The following GOSR2 variants were observed in gnomAD, a reference collection of about 807,000 sequenced individuals.
GOSR2 encodes the protein 27 kDa Golgi SNARE protein.
In GOSR2, 20 loss-of-function variants were observed where a neutral mutation model predicts 27.9. That is an observed-to-expected ratio of 0.72 (90% confidence interval 0.50 to 1.04). The LOEUF (loss-of-function observed/expected upper bound fraction) is 1.04, where lower values mean the gene tolerates loss of function less well. GOSR2 is among the 50% of genes least tolerant of loss of function. The pLI is 0.00. For synonymous variants in GOSR2, 91 were observed against 98.8 expected, an observed-to-expected ratio of 0.92 and a Z score of 0.47; for missense variants, 261 against 270.5, an observed-to-expected ratio of 0.97 and a Z score of 0.25.
At chr17:46,931,960 T>C in intron 3 of GOSR2, 107 bp from the exon 4 acceptor site, 1 of 919,924 alleles carries the variant, frequency 1.1e-6, no homozygotes, top group South Asian at 1.3e-5. Context: ...TGGGGTGGTG[T>C]AGGGAGAAGT....
chr17:46,959,161 AG>A (rs1425385387), intron 6 of GOSR2, among the ~76,000 whole-genome samples: 1 of 152,192 alleles, frequency 6.6e-6, no homozygotes, highest in Non-Finnish European at 1.5e-5. Flanking sequence ...GGGAAGTAGG[AG>A]GTTGGGCGTA....
At chr17:46,972,719 T>G (rs1410338277) in intron 6 of GOSR2, among the ~76,000 whole-genome samples, 2 of 152,284 alleles carry the variant, frequency 1.3e-5, no homozygotes, top group East Asian at 3.9e-4. Context: ...TGTACCCCAC[T>G]GGCTGACGCT....
At chr17:46,956,247 G>A (rs554301281) in intron 6 of GOSR2, among the ~76,000 whole-genome samples, 207 of 145,578 alleles carry the variant, frequency 1.4e-3, no homozygotes, top group Non-Finnish European at 2.7e-3. Flanking sequence ...ATCTCTACCC[G>A]CCTAAGGCCA....
chr17:46,934,812 C>G (rs941533606), intron 4 of GOSR2, among the ~76,000 whole-genome samples: 1 of 152,146 alleles, frequency 6.6e-6, no homozygotes, highest in Non-Finnish European at 1.5e-5. Context: ...GAGTGGAACT[C>G]ATTTGGAGAG....
At chr17:46,927,630 G>T (rs963651214) in intron 1 of GOSR2, among the ~76,000 whole-genome samples, 1 of 152,138 alleles carries the variant, frequency 6.6e-6, no homozygotes, top group Admixed American at 6.5e-5. Context: ...ATTTATTGTA[G>T]TCCCTTCTTT....
rs1390153695 is a variant in GOSR2, at chr17:46,941,494, G to A, written c.*2734G>A. The A allele has an allele frequency of 2.3e-6, 2 of 887,970 alleles. No individual in the cohort carries two copies. Among genetic ancestry groups the A allele is most frequent in the Non-Finnish European group, 2.7e-6 (2 of 740,994 alleles). 55.0% of individuals were successfully genotyped at this position (887,970 alleles called of 1,614,324 possible). A position where few individuals can be genotyped will look rare whatever the true frequency, so the allele number is the denominator to read the frequency against. On this transcript the variant is annotated 3_prime_UTR_variant, in exon 6 of 6. Transcript: ENST00000640051. ...TGGGCTGGCTGCTTCAGAAGCAGTGGGGAAGCTTTTTAAAATTACATATTC... is the reference window on the plus strand; with the variant it reads ...TGGGCTGGCTGCTTCAGAAGCAGTGAGGAAGCTTTTTAAAATTACATATTC...
chr17:46,924,595 A>G (rs2086210885), intron 1 of GOSR2: 1 of 152,226 alleles, frequency 6.6e-6, no homozygotes. Flanking sequence ...GAGGGTGATG[A>G]TCCTCTTTCT....
intron 6 of GOSR2, among the ~76,000 whole-genome samples, chr17:46,965,761 T>C (rs2091288274): frequency 6.6e-6 from 1 of 151,794 alleles, no homozygotes; most frequent in Non-Finnish European, 1.5e-5. Context: ...TAAATGGGAC[T>C]ACCGGCACAC....
Position 46,939,421 on chromosome 17 carries a change from A to G in GOSR2, c.*661A>G. ...TGTTTCTCTTTTCTAAAGTGAGGCCAGTGTTATTTCCCGGGAGTGTTCAGT... is the reference window on the plus strand; with the variant it reads ...TGTTTCTCTTTTCTAAAGTGAGGCCGGTGTTATTTCCCGGGAGTGTTCAGT... On this transcript the variant is annotated 3_prime_UTR_variant, in exon 6 of 6. Transcript: ENST00000640051. The G allele has an allele frequency of 1.0e-6, 1 of 993,606 alleles. No homozygotes were observed. The highest frequency in any genetic ancestry group is 1.2e-6 in the Non-Finnish European group (1 of 833,724). The allele number at this position is 993,606 out of a possible 1,614,324, so 61.5% of individuals were successfully genotyped here. A position where few individuals can be genotyped will look rare whatever the true frequency, so the allele number is the denominator to read the frequency against.
intron 6 of GOSR2, among the ~76,000 whole-genome samples, chr17:46,953,194 C>G (rs2090488487): frequency 6.6e-6 from 1 of 151,954 alleles, no homozygotes; most frequent in Admixed American, 6.6e-5. Context: ...CTATCCCTCC[C>G]CACTCCCCCC....
chr17:46,951,514 T>C (rs1426248307), intron 6 of GOSR2, among the ~76,000 whole-genome samples: 1 of 152,196 alleles, frequency 6.6e-6, no homozygotes. Context: ...AGGTGCCTTT[T>C]AACTGGCGTA....
downstream of GOSR2, among the ~76,000 whole-genome samples, chr17:46,947,002 GA>G (rs1233794999): frequency 1.3e-5 from 2 of 152,210 alleles, no homozygotes; most frequent in Admixed American, 6.5e-5. Context: ...GGGAAGGTGG[GA>G]CGGGGGCCAG....
At chr17:46,935,536 G>A (rs1305654374) in intron 5 of GOSR2, 5 of 1,245,662 alleles carry the variant, frequency 4.0e-6, no homozygotes, top group East Asian at 7.6e-5. Context: ...TTGGTACCTC[G>A]CTTTAAGGTG....
rs3048523 is a variant in GOSR2 at position 46,962,328 on chromosome 17, C to CA, written c.584-4192dup. Among the ~76,000 whole-genome samples, 635 of 139,292 alleles carry CA rather than the reference C, an allele frequency of 4.6e-3. 3 individuals are homozygous for CA. The highest frequency in any genetic ancestry group is 8.8e-3 in the Admixed American group (123 of 13,964). 91.4% of individuals were successfully genotyped at this position (139,292 alleles called of 152,430 possible). Reference sequence around the variant, plus strand: ...TGGGCAATAGAGTGAGACTCCATCTCAAAAAAAAAAAAAAGTATTGATCAG... The same window carrying CA: ...TGGGCAATAGAGTGAGACTCCATCTCAAAAAAAAAAAAAAAGTATTGATCAG... On this transcript the variant is annotated intron_variant, in intron 6 of 6. Transcript: ENST00000573224.
At chr17:46,925,802 T>C (rs548253474) in intron 1 of GOSR2, among the ~76,000 whole-genome samples, 1 of 152,236 alleles carries the variant, frequency 6.6e-6, no homozygotes, top group South Asian at 2.1e-4. Context: ...TAGATTGACA[T>C]ATTAAAGTTA....
intron 4 of GOSR2, chr17:46,933,651 A>G (rs1455552484): frequency 1.6e-5 from 2 of 124,556 alleles, no homozygotes; most frequent in African/African-American, 3.5e-5. Context: ...TTTTTGGACA[A>G]TTGAAACTGG....
rs190901073 is a variant in GOSR2 at position 46,956,974 on chromosome 17, C to T, written c.584-9560C>T. On this transcript the variant is annotated intron_variant, in intron 6 of 6. Transcript: ENST00000573224. ...AGGAAAAATAGCTGCATAAAGGTTG[C>T]GGGGGTGAGCTGGGCGAGGCTGCCC... Among the ~76,000 whole-genome samples the T allele has an allele frequency of 2.8e-4, 43 of 152,252 alleles. No homozygotes were observed. The East Asian group carries it at 4.3e-3, about 15-fold the overall frequency.
At chr17:46,951,235 G>A (rs1321098030) in intron 6 of GOSR2, among the ~76,000 whole-genome samples, 4 of 152,170 alleles carry the variant, frequency 2.6e-5, no homozygotes, top group African/African-American at 9.7e-5. Context: ...TGGCTGGAAC[G>A]GCGGGTTCCA....
At chr17:46,951,254 C>T (rs62075890) in intron 6 of GOSR2, among the ~76,000 whole-genome samples, 5 of 152,128 alleles carry the variant, frequency 3.3e-5, no homozygotes, top group Admixed American at 6.5e-5. Context: ...CAGAGGTGCC[C>T]GCTGGCCGCC....
Sources: gnomAD v4.1 joint callset for allele counts (sites outside exome capture counted in the v4.1 genomes callset) on GRCh38, gnomAD v4.1.1 for gene constraint, MANE v1.5 for transcripts, NCBI Gene and HGNC (gene_info 2026-07-23, HGNC 2026-07-21) for gene names.